The following PHF14 variants were observed in gnomAD, a reference collection of about 807,000 sequenced individuals.
PHF14 encodes the protein PHD finger protein 14.
In PHF14, 55 loss-of-function variants were observed where a neutral mutation model predicts 117.9. The observed-to-expected ratio is 0.47, with a 90% CI of 0.38 to 0.58. The LOEUF (loss-of-function observed/expected upper bound fraction) is 0.58, where lower values mean the gene tolerates loss of function less well. Among genes scored for constraint, PHF14 ranks in the 20% least tolerant of loss-of-function variants. The pLI is 0.00. For synonymous variants in PHF14, 409 were observed against 368.6 expected, an observed-to-expected ratio of 1.11 and a Z score of -1.26; for missense variants, 978 against 1,122.2, an observed-to-expected ratio of 0.87 and a Z score of 1.84.
At chr7:11,002,299 G>A (rs939939329) in intron 4 of PHF14, among the ~76,000 whole-genome samples, 2 of 152,012 alleles carry the variant, frequency 1.3e-5, no homozygotes, top group African/African-American at 2.4e-5. Flanking sequence ...CAATGTGGAC[G>A]ATGTCATGCT....
chr7:11,106,798 C>A, intron 16 of PHF14: 1 of 984,120 alleles, frequency 1.0e-6, no homozygotes, highest in Non-Finnish European at 1.2e-6. Flanking sequence ...AAAATCCAAC[C>A]CATCAGTTCT....
chr7:11,005,229 A>G (rs983392578), intron 4 of PHF14, among the ~76,000 whole-genome samples: 15 of 152,188 alleles, frequency 9.9e-5, no homozygotes, highest in African/African-American at 2.9e-4. Context: ...ACTGATTACA[A>G]TTACACTGAT....
intron 17 of PHF14, among the ~76,000 whole-genome samples, chr7:11,125,842 T>C (rs547768919): frequency 9.2e-5 from 14 of 152,108 alleles, no homozygotes; most frequent in Non-Finnish European, 1.9e-4. Context: ...TATAGTGTTA[T>C]ACCTTCATTG....
intron 17 of PHF14, among the ~76,000 whole-genome samples, chr7:11,164,041 TATA>T (rs1361227085): frequency 6.6e-6 from 1 of 152,192 alleles, no homozygotes; most frequent in Non-Finnish European, 1.5e-5. Flanking sequence ...TGGATCCAGT[TATA>T]ATAACTGTTC....
chr7:11,168,546 G>A (rs1562493555), intron 17 of PHF14, among the ~76,000 whole-genome samples: 2 of 152,140 alleles, frequency 1.3e-5, no homozygotes, highest in African/African-American at 4.8e-5. Flanking sequence ...TGATATTGAT[G>A]ATTATTACTG....
intron 17 of PHF14, among the ~76,000 whole-genome samples, chr7:11,137,220 A>G (rs944286833): frequency 6.6e-6 from 1 of 152,238 alleles, no homozygotes; most frequent in African/African-American, 2.4e-5. Flanking sequence ...GCCACAGAAC[A>G]TGACAAATGG....
At chr7:11,114,697 A>G (rs1787548673) in intron 17 of PHF14, among the ~76,000 whole-genome samples, 1 of 152,126 alleles carries the variant, frequency 6.6e-6, no homozygotes, top group Admixed American at 6.6e-5. Flanking sequence ...AAAAATAGTC[A>G]GTTACATGGA....
chr7:11,037,078 T>C lies in PHF14; in HGVS notation c.1967T>C (p.Val656Ala). Residue 656 changes from valine (V) to alanine (A), a missense_variant, in exon 10 of 18, where the codon GTA becomes GCA. By Grantham distance (64) the Val-to-Ala change is moderately conservative. Coordinates refer to ENST00000634607, the MANE Select transcript of PHF14 (RefSeq NM_001007157.2). ...GAGAATGAACAAGAAAAGCTTCATGTAGAATATAATAAGGTAAGTTAGCTA... is the reference window on the plus strand; with the variant it reads ...GAGAATGAACAAGAAAAGCTTCATGCAGAATATAATAAGGTAAGTTAGCTA... Reference protein sequence around the residue: ...KLENEQEKLHVEYNKLCESLE... With the variant: ...KLENEQEKLHAEYNKLCESLE... 6.7e-7 allele frequency: 1 copy of C among 1,492,124 alleles called. No homozygotes were observed. Among genetic ancestry groups the C allele is most frequent in the Non-Finnish European group, 9.1e-7 (1 of 1,096,090 alleles). 92.4% of individuals were successfully genotyped at this position (1,492,124 alleles called of 1,614,324 possible).
intron 2 of PHF14, among the ~76,000 whole-genome samples, chr7:10,977,651 T>G (rs1640700): frequency 0.47 from 70,863 of 151,976 alleles, 16,956 homozygotes; most frequent in Middle Eastern, 0.58. Flanking sequence ...AAAGTAAGCT[T>G]CTCATTTTTG....
intron 5 of PHF14, among the ~76,000 whole-genome samples, chr7:11,014,144 A>G (rs994134831): frequency 6.6e-6 from 1 of 152,186 alleles, no homozygotes; most frequent in African/African-American, 2.4e-5. Context: ...AATTGACCCT[A>G]TGATGAGGCA....
At chr7:11,100,696 G>T (rs1208309119) in intron 16 of PHF14, among the ~76,000 whole-genome samples, 1 of 151,860 alleles carries the variant, frequency 6.6e-6, no homozygotes, top group Non-Finnish European at 1.5e-5. Context: ...GCTTGAGATA[G>T]ATACTGATTT....
intron 16 of PHF14, among the ~76,000 whole-genome samples, chr7:11,077,718 G>A (rs1785920225): frequency 1.3e-5 from 2 of 151,866 alleles, no homozygotes; most frequent in African/African-American, 4.8e-5. Flanking sequence ...GAGCTTAGAG[G>A]TTGTTTTTAT....
intron 16 of PHF14, among the ~76,000 whole-genome samples, chr7:11,089,929 G>A (rs1786579714): frequency 6.6e-6 from 1 of 151,988 alleles, no homozygotes; most frequent in African/African-American, 2.4e-5. Context: ...GTGCCGTCAC[G>A]ACCGGCTAAT....
At chr7:10,984,852 T>G (rs1037711050) in intron 3 of PHF14, among the ~76,000 whole-genome samples, 1 of 152,290 alleles carries the variant, frequency 6.6e-6, no homozygotes, top group East Asian at 1.9e-4. Flanking sequence ...GAAGACACTT[T>G]AGTAAATAAA....
intron 17 of PHF14, among the ~76,000 whole-genome samples, chr7:11,123,315 T>C (rs1349777489): frequency 6.6e-6 from 1 of 152,182 alleles, no homozygotes; most frequent in African/African-American, 2.4e-5. Flanking sequence ...AATTTACATA[T>C]ATGGTTTAAT....
At chr7:11,153,404 G>A (rs1788755276) in intron 17 of PHF14, among the ~76,000 whole-genome samples, 1 of 152,054 alleles carries the variant, frequency 6.6e-6, no homozygotes, top group Non-Finnish European at 1.5e-5. Context: ...TGGGGGTAGG[G>A]GAAGTTTAGG....
rs112552865 is a variant in PHF14 at position 11,136,282 on chromosome 7, A to C, written c.2772+24815A>C. 9.9e-5 allele frequency among the ~76,000 whole-genome samples: 15 copies of C among 152,038 alleles called. 1 individual carries two copies. Among genetic ancestry groups the C allele is most frequent in the African/African-American group, 3.4e-4 (14 of 41,492 alleles). On this transcript the variant is annotated intron_variant, in intron 17 of 17. Coordinates refer to ENST00000634607, the MANE Select transcript of PHF14 (RefSeq NM_001007157.2). ...CTGGTCTGTCAGAATTTTAATTATA[A>C]TTTTTTTTCAAGATGCAAACTGAAG...
At chr7:10,993,242 T>A (rs1483086026) in intron 4 of PHF14, among the ~76,000 whole-genome samples, 1 of 152,120 alleles carries the variant, frequency 6.6e-6, no homozygotes, top group Non-Finnish European at 1.5e-5. Flanking sequence ...TATTTTTTAA[T>A]CAGGGCTGTG....
intron 16 of PHF14, among the ~76,000 whole-genome samples, chr7:11,067,806 A>G (rs1785473192): frequency 6.6e-6 from 1 of 152,114 alleles, no homozygotes; most frequent in Non-Finnish European, 1.5e-5. Context: ...GGATCACATG[A>G]TAAGAGAGGA....
Sources: allele counts gnomAD v4.1 joint callset (sites outside exome capture counted in the v4.1 genomes callset), GRCh38; gene constraint gnomAD v4.1.1; transcripts MANE v1.5; gene names NCBI Gene and HGNC (gene_info 2026-07-23, HGNC 2026-07-21).